Variants in TEAD1 observed in about 807,000 individuals in gnomAD.
TEAD1 encodes TEA domain transcription factor 1.
A neutral mutation model predicts 54.9 loss-of-function variants in TEAD1; 9 were observed. The observed-to-expected ratio is 0.16, with a 90% CI of 0.10 to 0.29. TEAD1 has a LOEUF of 0.29. TEAD1 is among the 10% of genes least tolerant of loss of function. TEAD1 has a pLI of 1.00. For synonymous variants in TEAD1, 200 were observed against 187.8 expected (o/e 1.07, Z -0.53); for missense variants, 387 against 535.9 (o/e 0.72, Z 2.74).
chr11:12,697,733 A>T (rs1220691872), intron 2 of TEAD1, among the ~76,000 whole-genome samples: 1 of 152,218 alleles, frequency 6.6e-6, no homozygotes. Flanking sequence ...GAAAGTTCTC[A>T]GAATAGAGGG....
At chr11:12,866,412 A>T (rs1564969232) in intron 5 of TEAD1, among the ~76,000 whole-genome samples, 1 of 152,212 alleles carries the variant, frequency 6.6e-6, no homozygotes, top group African/African-American at 2.4e-5. Context: ...TAAGTGAGGA[A>T]TAAAGCTCTT....
chr11:12,871,953 C>G (rs1947754468), intron 5 of TEAD1, among the ~76,000 whole-genome samples: 1 of 152,136 alleles, frequency 6.6e-6, no homozygotes, highest in South Asian at 2.1e-4. Context: ...CTGATTATGT[C>G]CAGTCGCCGG....
intron 3 of TEAD1, among the ~76,000 whole-genome samples, chr11:12,845,046 A>C (rs540798490): frequency 1.7e-4 from 24 of 138,140 alleles, no homozygotes; most frequent in Admixed American, 1.2e-3. Flanking sequence ...GCTCACTGCA[A>C]CCTCTGCCTC....
intron 2 of TEAD1, among the ~76,000 whole-genome samples, chr11:12,746,910 G>T (rs1171991914): frequency 6.6e-6 from 1 of 152,220 alleles, no homozygotes; most frequent in Admixed American, 6.5e-5. Context: ...GCGGGCTGGG[G>T]GTTCACCAGT....
intron 3 of TEAD1, among the ~76,000 whole-genome samples, chr11:12,837,029 C>T (rs1228805644): frequency 1.3e-5 from 2 of 152,182 alleles, no homozygotes; most frequent in African/African-American, 4.8e-5. Flanking sequence ...GACTTTTTCT[C>T]AAGCCCAGCA....
intron 9 of TEAD1, 26 bp from the exon 10 acceptor site, chr11:12,901,914 G>A: frequency 6.2e-7 from 1 of 1,614,054 alleles, no homozygotes; most frequent in Non-Finnish European, 8.5e-7. Context: ...GTTTGTAATG[G>A]GAATGTTTCT....
chr11:12,926,409 G>A (rs1948903325), intron 11 of TEAD1, among the ~76,000 whole-genome samples: 1 of 152,202 alleles, frequency 6.6e-6, no homozygotes, highest in African/African-American at 2.4e-5. Flanking sequence ...AATGGTGGCA[G>A]TGGGAATCCT....
intron 3 of TEAD1, chr11:12,851,022 GCTGT>G (rs1947262576): frequency 6.5e-6 from 6 of 917,948 alleles, no homozygotes; most frequent in Non-Finnish European, 7.8e-6. Flanking sequence ...TATTGGCAGT[GCTGT>G]CTAATTTTCA....
At chr11:12,711,833 A>G (rs953428171) in intron 2 of TEAD1, among the ~76,000 whole-genome samples, 5 of 152,214 alleles carry the variant, frequency 3.3e-5, no homozygotes, top group Non-Finnish European at 5.9e-5. Flanking sequence ...GGGGTCCCTC[A>G]GGAGGTTCTG....
intron 3 of TEAD1, among the ~76,000 whole-genome samples, chr11:12,778,251 C>A (rs16911581): frequency 0.077 from 11,720 of 152,122 alleles, 1,514 homozygotes; most frequent in African/African-American, 0.27. Flanking sequence ...TCTGGGGTTC[C>A]TATCCTGGCT....
rs1949146759 is a variant in TEAD1 at position 12,940,149 on chromosome 11, T to C, written c.*2927T>C. ...GGTCTCTGGGCATTCATTTCCCTCA[T>C]AGAGGCTGAGAATAAAACAAGGACT... On this transcript the variant is annotated 3_prime_UTR_variant, in exon 13 of 13. Transcript: ENST00000527636. 6.6e-6 allele frequency: 1 copy of C among 152,154 alleles called. No homozygotes were observed. The highest frequency in any genetic ancestry group is 1.5e-5 in the Non-Finnish European group (1 of 68,036). The allele number at this position is 152,154 out of a possible 1,614,324, so 9.4% of individuals were successfully genotyped here. A position where few individuals can be genotyped will look rare whatever the true frequency, so the allele number is the denominator to read the frequency against.
chr11:12,746,254 T>C (rs770022219), intron 2 of TEAD1, among the ~76,000 whole-genome samples: 2 of 152,220 alleles, frequency 1.3e-5, no homozygotes, highest in African/African-American at 2.4e-5. Flanking sequence ...ATGCTTTTTA[T>C]TAGCCTTTTC....
chr11:12,910,420 T>C (rs1948595976), intron 10 of TEAD1, among the ~76,000 whole-genome samples: 1 of 152,168 alleles, frequency 6.6e-6, no homozygotes, highest in Non-Finnish European at 1.5e-5. Flanking sequence ...TAACATTCTA[T>C]TCATAAACAT....
chr11:12,726,411 A>C (rs1944313223), intron 2 of TEAD1, among the ~76,000 whole-genome samples: 1 of 152,178 alleles, frequency 6.6e-6, no homozygotes, highest in Non-Finnish European at 1.5e-5. Context: ...TGCATGTAAG[A>C]AGTGGTTGCT....
At chr11:12,749,621 C>T (rs890082855) in intron 2 of TEAD1, among the ~76,000 whole-genome samples, 24 of 152,166 alleles carry the variant, frequency 1.6e-4, no homozygotes, top group African/African-American at 5.5e-4. Flanking sequence ...CAGGAGAAGG[C>T]GCAGGCCTGA....
chr11:12,691,114 G>T (rs940420015), intron 2 of TEAD1, among the ~76,000 whole-genome samples: 1 of 152,148 alleles, frequency 6.6e-6, no homozygotes, highest in African/African-American at 2.4e-5. Flanking sequence ...CATATAGTTT[G>T]TAAAGGAAAG....
intron 2 of TEAD1, among the ~76,000 whole-genome samples, chr11:12,725,666 A>G (rs1944297058): frequency 6.6e-6 from 1 of 152,250 alleles, no homozygotes; most frequent in South Asian, 2.1e-4. Context: ...GTAGTTCAGT[A>G]GAATAACAGG....
At chr11:12,867,108 G>A (rs552699385) in intron 5 of TEAD1, among the ~76,000 whole-genome samples, 10 of 152,328 alleles carry the variant, frequency 6.6e-5, no homozygotes, top group African/African-American at 2.4e-4. Context: ...GGCTGAGAGA[G>A]TATAATTGAC....
At chr11:12,885,200 A>G (rs1328660899) in intron 9 of TEAD1, among the ~76,000 whole-genome samples, 1 of 150,626 alleles carries the variant, frequency 6.6e-6, no homozygotes, top group East Asian at 1.9e-4. Flanking sequence ...ATCGTAAAAG[A>G]TCACCTCCCA....
Sources: allele counts gnomAD v4.1 joint callset (sites outside exome capture counted in the v4.1 genomes callset), GRCh38; gene constraint gnomAD v4.1.1; transcripts MANE v1.5; gene names NCBI Gene and HGNC (gene_info 2026-07-23, HGNC 2026-07-21).